Variants in ANO3 observed in about 807,000 individuals in gnomAD.
The protein encoded by ANO3 is anoctamin 3, also known as anoctamin-3.
Under a neutral mutation model 144.8 loss-of-function variants are expected in ANO3, and 99 were observed. The ratio of observed to expected loss-of-function variants is 0.68; its 90% confidence interval spans 0.58 to 0.81. The LOEUF (loss-of-function observed/expected upper bound fraction) is 0.81. Ranked by LOEUF, ANO3 falls within the 30% of genes least tolerant of loss-of-function variation. The pLI, the probability that ANO3 is intolerant of heterozygous loss-of-function variation, is 0.00. For missense variants in ANO3, 905 were observed against 1,202.2 expected, an observed-to-expected ratio of 0.75 and a Z score of 3.66; for synonymous variants, 414 against 392.6, an observed-to-expected ratio of 1.05 and a Z score of -0.64.
chr11:26,230,664 G>T (rs1284479123), intron 1 of ANO3, among the ~76,000 whole-genome samples: 1 of 151,184 alleles, frequency 6.6e-6, no homozygotes, highest in African/African-American at 2.4e-5. Flanking sequence ...AAGCATGGCG[G>T]CTCACACCTG....
intron 4 of ANO3, among the ~76,000 whole-genome samples, chr11:26,500,128 T>C (rs959265141): frequency 6.6e-6 from 1 of 152,100 alleles, no homozygotes; most frequent in African/African-American, 2.4e-5. Context: ...TGTTGTAGCA[T>C]GTGTTAACAT....
At chr11:26,543,088 T>C (rs548437682) in intron 11 of ANO3, among the ~76,000 whole-genome samples, 2 of 152,122 alleles carry the variant, frequency 1.3e-5, no homozygotes, top group Admixed American at 6.6e-5. Flanking sequence ...TGGAAGTTGC[T>C]ATCAAACCTA....
intron 17 of ANO3, among the ~76,000 whole-genome samples, chr11:26,619,287 G>T (rs1361235438): frequency 6.6e-6 from 1 of 152,030 alleles, no homozygotes; most frequent in African/African-American, 2.4e-5. Context: ...AAACAGAACA[G>T]GTGGATCATG....
At position 26,522,000 on chromosome 11, in the gene ANO3, C is replaced by T. The variant is rs772641411; in HGVS notation, c.693-3635C>T. On this transcript the variant is annotated intron_variant, in intron 6 of 26. Coordinates refer to ENST00000256737, the MANE Select transcript of ANO3 (RefSeq NM_031418.4). ...GAGATGGAGACCATCCTGGCTAACA[C>T]GGTGAAACTCCGTCTCTACTAAATA... is the stretch of plus-strand genomic sequence containing the variant. Among the ~76,000 whole-genome samples the T allele has an allele frequency of 3.9e-5, 6 of 152,052 alleles. No homozygotes were observed. The East Asian group carries it at 1.2e-3, about 29-fold the overall frequency.
rs747384855 is a variant in ANO3, at chr11:26,463,159, C to T, written c.432+11C>T. The T allele has an allele frequency of 7.4e-7, 1 of 1,351,272 alleles. No homozygotes were observed. Among genetic ancestry groups the T allele is most frequent in the East Asian group, 2.3e-5 (1 of 42,770 alleles). 83.7% of individuals were successfully genotyped at this position (1,351,272 alleles called of 1,614,324 possible). A position where few individuals can be genotyped will look rare whatever the true frequency, so the allele number is the denominator to read the frequency against. On this transcript the variant is annotated intron_variant, in intron 4 of 26. Coordinates refer to ENST00000256737, the MANE Select transcript of ANO3 (RefSeq NM_031418.4). ...ACAAAATTATCTAAGGTAATGAGAA[C>T]TAAATTATCAATAAGTCATTTTTAG...
intron 17 of ANO3, among the ~76,000 whole-genome samples, chr11:26,617,297 C>G (rs1852288836): frequency 6.6e-6 from 1 of 152,166 alleles, no homozygotes; most frequent in Admixed American, 6.5e-5. Context: ...TTATAAGGTT[C>G]CAGTACAACT....
chr11:26,455,120 C>A (rs1370388474), intron 3 of ANO3, among the ~76,000 whole-genome samples: 1 of 151,924 alleles, frequency 6.6e-6, no homozygotes, highest in African/African-American at 2.4e-5. Flanking sequence ...CAATATCATA[C>A]TGAATGGGCA....
chr11:26,641,747 T>G, intron 21 of ANO3, 149 bp from the exon 22 acceptor site: 1 of 905,342 alleles, frequency 1.1e-6, no homozygotes. Context: ...TTTTTTAACT[T>G]TTTTAAAAAA....
At chr11:26,271,970 T>A (rs190874650) in intron 1 of ANO3, among the ~76,000 whole-genome samples, 2 of 152,182 alleles carry the variant, frequency 1.3e-5, no homozygotes, top group African/African-American at 4.8e-5. Context: ...GATTTAGGTA[T>A]TTATATCTTT....
chr11:26,271,835 G>A (rs1158152129), intron 1 of ANO3, among the ~76,000 whole-genome samples: 3 of 151,762 alleles, frequency 2.0e-5, no homozygotes, highest in Non-Finnish European at 4.4e-5. Flanking sequence ...TCTGACTTGG[G>A]TATTTCATTA....
intron 1 of ANO3, among the ~76,000 whole-genome samples, chr11:26,353,455 C>A (rs1299048555): frequency 6.6e-6 from 1 of 152,194 alleles, no homozygotes; most frequent in East Asian, 1.9e-4. Context: ...TGTGACCACA[C>A]TGTATTATTT....
intron 13 of ANO3, among the ~76,000 whole-genome samples, chr11:26,558,621 C>G (rs1850161621): frequency 6.6e-6 from 1 of 152,192 alleles, no homozygotes; most frequent in East Asian, 1.9e-4. Flanking sequence ...CATTTTGCAC[C>G]TATCCACCAA....
At chr11:26,473,641 C>G (rs757605029) in intron 4 of ANO3, among the ~76,000 whole-genome samples, 1 of 151,784 alleles carries the variant, frequency 6.6e-6, no homozygotes, top group Non-Finnish European at 1.5e-5. Flanking sequence ...CCACTATTAT[C>G]AAACTGAAAC....
intron 20 of ANO3, among the ~76,000 whole-genome samples, chr11:26,635,888 T>C (rs530793928): frequency 6.6e-6 from 1 of 152,300 alleles, no homozygotes; most frequent in African/African-American, 2.4e-5. Context: ...TTTCCTCTTT[T>C]GTAAATTGGT....
chr11:26,358,935 TA>T (rs1458903489), intron 1 of ANO3, among the ~76,000 whole-genome samples: 2 of 152,274 alleles, frequency 1.3e-5, no homozygotes, highest in Admixed American at 6.5e-5. Flanking sequence ...TTGGGTCTCT[TA>T]AAAAATGTCT....
chr11:26,209,402 A>T (rs548773445), intron 1 of ANO3, among the ~76,000 whole-genome samples: 1 of 152,320 alleles, frequency 6.6e-6, no homozygotes, highest in East Asian at 1.9e-4. Context: ...ACTGATGGAC[A>T]TTTGGGTTGG....
intron 1 of ANO3, among the ~76,000 whole-genome samples, chr11:26,408,631 G>A (rs199504174): frequency 0.63 from 91,550 of 145,636 alleles, 31,505 homozygotes; most frequent in Admixed American, 0.78. Context: ...CTGGGTATAT[G>A]CCCAAAGGAT....
chr11:26,274,006 C>CT (rs1258149283), intron 1 of ANO3, among the ~76,000 whole-genome samples: 1 of 152,072 alleles, frequency 6.6e-6, no homozygotes, highest in Non-Finnish European at 1.5e-5. Context: ...TGAGAACAGA[C>CT]TGTTGGGACA....
At chr11:26,381,315 T>G (rs1488346418) in intron 1 of ANO3, among the ~76,000 whole-genome samples, 1 of 152,082 alleles carries the variant, frequency 6.6e-6, no homozygotes, top group African/African-American at 2.4e-5. Context: ...AGAGTTATAG[T>G]TTTTTGTTTG....
Sources: gnomAD v4.1 joint callset for allele counts (sites outside exome capture counted in the v4.1 genomes callset) on GRCh38, gnomAD v4.1.1 for gene constraint, MANE v1.5 for transcripts, NCBI Gene and HGNC (gene_info 2026-07-23, HGNC 2026-07-21) for gene names.